The following PTPRG variants were observed in gnomAD, a reference collection of about 807,000 sequenced individuals.
PTPRG encodes protein tyrosine phosphatase receptor type G.
PTPRG carries 102 observed loss-of-function variants against 165.3 expected under a neutral mutation model. The observed-to-expected ratio is 0.62, with a 90% CI of 0.53 to 0.73. PTPRG has a LOEUF of 0.73. Among genes scored for constraint, PTPRG ranks in the 30% least tolerant of loss-of-function variants. The pLI, the probability that PTPRG is intolerant of heterozygous loss-of-function variation, is 0.00. For missense variants in PTPRG, 1,866 were observed against 1,861.4 expected (o/e 1.00, Z -0.05); for synonymous variants, 675 against 669.5 (o/e 1.01, Z -0.13).
intron 1 of PTPRG, among the ~76,000 whole-genome samples, chr3:61,677,999 G>T (rs1703294602): frequency 6.6e-6 from 1 of 152,170 alleles, no homozygotes; most frequent in Non-Finnish European, 1.5e-5. Flanking sequence ...ACCACATTTG[G>T]TAACACAACA....
Position 61,701,062 on chromosome 3 carries a change from G to A in PTPRG, c.86-47816G>A, listed in dbSNP as rs371984174. 2.1e-4 allele frequency among the ~76,000 whole-genome samples: 32 copies of A among 152,252 alleles called. No individual in the cohort carries two copies. In the East Asian group the frequency reaches 6.0e-3, roughly 29 times the overall value. Reference sequence around the variant, plus strand: ...AACCTATGCAGTGGGAGCTTTAATAGTTGCCCTCAATCTCCCTGCCCTCCT... The same window carrying A: ...AACCTATGCAGTGGGAGCTTTAATAATTGCCCTCAATCTCCCTGCCCTCCT... On this transcript the variant is annotated intron_variant, in intron 1 of 29. Coordinates refer to ENST00000474889, the MANE Select transcript of PTPRG (RefSeq NM_002841.4).
In PTPRG at chr3:61,745,051, C is replaced by CTTTTTTTTT. The variant is rs10669472; in HGVS notation, c.86-3817_86-3809dup. Among the ~76,000 whole-genome samples the CTTTTTTTTT allele has an allele frequency of 5.1e-3, 570 of 111,550 alleles. 35 individuals carry two copies. The highest frequency in any genetic ancestry group is 6.8e-3 in the Non-Finnish European group (393 of 57,530). The allele number at this position is 111,550 out of a possible 152,430, so 73.2% of individuals were successfully genotyped here. On this transcript the variant is annotated intron_variant, in intron 1 of 29. Transcript: ENST00000474889. ...TTTCATGTGTTCATTCATTCCCTCA[C>CTTTTTTTTT]TTTTTTTTTTTTTTTTTTGAGACGG...
chr3:62,061,433 TTCATGAAGTCA>T, intron 4 of PTPRG, among the ~76,000 whole-genome samples: 1 of 152,332 alleles, frequency 6.6e-6, no homozygotes, highest in African/African-American at 2.4e-5. Context: ...GACTTTTGTC[TTCATGAAGTCA>T]TGGTTTTGAT....
intron 2 of PTPRG, among the ~76,000 whole-genome samples, chr3:61,840,360 G>T (rs961046019): frequency 1.3e-5 from 2 of 151,798 alleles, no homozygotes; most frequent in African/African-American, 4.8e-5. Context: ...AAAATATTAG[G>T]GTTTTTAAGC....
chr3:61,662,335 A>G (rs1444989451), intron 1 of PTPRG, among the ~76,000 whole-genome samples: 3 of 152,194 alleles, frequency 2.0e-5, no homozygotes, highest in Admixed American at 6.5e-5. Flanking sequence ...AGGACACTCA[A>G]GCAGCCCTGT....
chr3:62,151,587 A>C (rs1267455780), intron 6 of PTPRG, among the ~76,000 whole-genome samples: 1 of 151,384 alleles, frequency 6.6e-6, no homozygotes, highest in Non-Finnish European at 1.5e-5. Flanking sequence ...TGAAGGTGGA[A>C]TACGAGATGC....
intron 26 of PTPRG, among the ~76,000 whole-genome samples, chr3:62,280,844 G>T (rs956419727): frequency 6.6e-6 from 1 of 152,004 alleles, no homozygotes; most frequent in African/African-American, 2.4e-5. Flanking sequence ...AAAGAAATTT[G>T]TGGGGTAGGG....
intron 4 of PTPRG, among the ~76,000 whole-genome samples, chr3:62,066,168 A>G (rs1387101070): frequency 2.0e-4 from 30 of 152,206 alleles, no homozygotes; most frequent in Admixed American, 2.0e-3. Context: ...TTAATTGCAA[A>G]TTCATGACGT....
intron 2 of PTPRG, among the ~76,000 whole-genome samples, chr3:61,973,989 T>G (rs1465872570): frequency 6.6e-6 from 1 of 152,096 alleles, no homozygotes; most frequent in Non-Finnish European, 1.5e-5. Context: ...TTTTTTTTCA[T>G]GGTATTAGTG....
chr3:61,705,392 T>C (rs907325089), intron 1 of PTPRG, among the ~76,000 whole-genome samples: 1 of 152,154 alleles, frequency 6.6e-6, no homozygotes, highest in Non-Finnish European at 1.5e-5. Flanking sequence ...CATTATTTGC[T>C]CAAGGCTGCT....
chr3:61,739,694 C>CTT (rs902001371), intron 1 of PTPRG, among the ~76,000 whole-genome samples: 9 of 152,272 alleles, frequency 5.9e-5, no homozygotes, highest in African/African-American at 9.6e-5. Context: ...TTTAATGATG[C>CTT]TTTCCTCATA....
intron 5 of PTPRG, among the ~76,000 whole-genome samples, chr3:62,088,497 G>A (rs11130875): frequency 0.39 from 59,455 of 152,142 alleles, 12,744 homozygotes; most frequent in Middle Eastern, 0.54. Flanking sequence ...TCCAACATAA[G>A]GTGCAAAACT....
At chr3:61,707,343 G>A (rs1392284316) in intron 1 of PTPRG, among the ~76,000 whole-genome samples, 5 of 152,192 alleles carry the variant, frequency 3.3e-5, no homozygotes, top group South Asian at 2.1e-4. Flanking sequence ...TTGGCTCATC[G>A]GATTATGGGG....
At chr3:61,780,943 T>C (rs2034528267) in intron 2 of PTPRG, among the ~76,000 whole-genome samples, 1 of 152,244 alleles carries the variant, frequency 6.6e-6, no homozygotes, top group Admixed American at 6.5e-5. Flanking sequence ...ATGATTAGCT[T>C]AGAGCTCTCC....
At chr3:62,032,056 A>G (rs1204029461) in intron 4 of PTPRG, among the ~76,000 whole-genome samples, 1 of 152,232 alleles carries the variant, frequency 6.6e-6, no homozygotes, top group Non-Finnish European at 1.5e-5. Context: ...CTTAGGGCTA[A>G]TGAGAATTCC....
intron 1 of PTPRG, among the ~76,000 whole-genome samples, chr3:61,652,116 T>A (rs553675293): frequency 1.3e-5 from 2 of 152,202 alleles, no homozygotes; most frequent in East Asian, 1.9e-4. Flanking sequence ...AAGACCAGCC[T>A]GGCCAAGATG....
intron 5 of PTPRG, among the ~76,000 whole-genome samples, chr3:62,082,593 A>G (rs978067906): frequency 8.5e-5 from 13 of 152,346 alleles, no homozygotes; most frequent in Admixed American, 7.8e-4. Flanking sequence ...AAAATCATCA[A>G]GCAGTCTTAT....
intron 24 of PTPRG, chr3:62,276,361 C>T (rs775029194): frequency 1.7e-4 from 27 of 156,876 alleles, no homozygotes; most frequent in Non-Finnish European, 3.4e-4. Context: ...GTGGCATTAA[C>T]ATTCCTCTAA....
At chr3:61,859,310 G>C (rs2037196403) in intron 2 of PTPRG, among the ~76,000 whole-genome samples, 1 of 151,924 alleles carries the variant, frequency 6.6e-6, no homozygotes, top group Non-Finnish European at 1.5e-5. Context: ...TAAAATGATG[G>C]GAATTAGGAC....
Sources: allele counts gnomAD v4.1 joint callset (sites outside exome capture counted in the v4.1 genomes callset), GRCh38; gene constraint gnomAD v4.1.1; transcripts MANE v1.5; gene names NCBI Gene and HGNC (gene_info 2026-07-23, HGNC 2026-07-21).